PLD5: variants seen among roughly 807,000 people sequenced by gnomAD.
PLD5 encodes the protein phospholipase D family member 5.
PLD5 carries 36 observed loss-of-function variants against 61.1 expected under a neutral mutation model. That is an observed-to-expected ratio of 0.59 (90% CI 0.45 to 0.78). The LOEUF is 0.78. Ranked by LOEUF, PLD5 falls within the 30% of genes least tolerant of loss-of-function variation. The pLI is 0.00. For missense variants in PLD5, 515 were observed against 644.4 expected (o/e 0.80, Z 2.17); for synonymous variants, 243 against 242.8 (o/e 1.00, Z -0.01).
intron 1 of PLD5, among the ~76,000 whole-genome samples, chr1:242,373,899 A>G (rs1661796660): frequency 6.6e-6 from 1 of 152,106 alleles, no homozygotes. Context: ...GCACACCAAC[A>G]TGGCACATGT....
chr1:242,211,623 C>T (rs1443577176), intron 5 of PLD5, among the ~76,000 whole-genome samples: 1 of 152,162 alleles, frequency 6.6e-6, no homozygotes, highest in African/African-American at 2.4e-5. Context: ...TGTCTGAGTA[C>T]CTGTCTCATC....
At chr1:242,247,578 A>C (rs1247017337) in intron 4 of PLD5, among the ~76,000 whole-genome samples, 1 of 152,112 alleles carries the variant, frequency 6.6e-6, no homozygotes, top group African/African-American at 2.4e-5. Context: ...TCTCTATTTT[A>C]ACCTTAATGC....
chr1:242,248,577 C>T (rs1672523742), intron 4 of PLD5, among the ~76,000 whole-genome samples: 1 of 151,868 alleles, frequency 6.6e-6, no homozygotes, highest in Non-Finnish European at 1.5e-5. Flanking sequence ...AGTCTGTCAC[C>T]CTTTTTGCCT....
chr1:242,270,919 G>A (rs1674025667), intron 3 of PLD5, among the ~76,000 whole-genome samples: 1 of 152,080 alleles, frequency 6.6e-6, no homozygotes, highest in African/African-American at 2.4e-5. Flanking sequence ...CATTTAAAGA[G>A]AACCAATTAC....
chr1:242,437,460 G>C (rs539600424), intron 1 of PLD5, among the ~76,000 whole-genome samples: 20 of 152,262 alleles, frequency 1.3e-4, no homozygotes, highest in African/African-American at 4.8e-4. Context: ...ACTTTGGGAA[G>C]CCGAGATGGG....
intron 1 of PLD5, among the ~76,000 whole-genome samples, chr1:242,514,596 T>G (rs1669043138): frequency 6.6e-6 from 1 of 151,788 alleles, no homozygotes; most frequent in Non-Finnish European, 1.5e-5. Flanking sequence ...AAAATAAAAG[T>G]TGAAAAAAGT....
intron 6 of PLD5, among the ~76,000 whole-genome samples, chr1:242,123,206 A>C (rs1162171716): frequency 1.3e-5 from 2 of 152,194 alleles, no homozygotes. Flanking sequence ...TGATGAAAAC[A>C]ATGGTACCAT....
rs1262228105 is a variant in PLD5 at position 242,524,419 on chromosome 1, G to T, written c.-143C>A. Reference sequence around the variant, plus strand: ...GCTGGAGGAGCTGGAGGAGCGAGCGGGCGCGGGGAGCGCGGGGTGCTGAGC... The same window carrying T: ...GCTGGAGGAGCTGGAGGAGCGAGCGTGCGCGGGGAGCGCGGGGTGCTGAGC... On this transcript the variant is annotated 5_prime_UTR_variant, in exon 1 of 10. Coordinates refer to ENST00000536534, the MANE Select transcript of PLD5 (RefSeq NM_001372062.1). 2 of 805,920 alleles carry T rather than the reference G, an allele frequency of 2.5e-6. No homozygotes were observed. Among genetic ancestry groups the T allele is most frequent in the African/African-American group, 3.6e-5 (2 of 55,136 alleles). The allele number at this position is 805,920 out of a possible 1,614,324, so 49.9% of individuals were successfully genotyped here.
At chr1:242,340,941 G>T (rs1184443265) in intron 2 of PLD5, among the ~76,000 whole-genome samples, 1 of 151,904 alleles carries the variant, frequency 6.6e-6, no homozygotes, top group Non-Finnish European at 1.5e-5. Context: ...CGGTATCATT[G>T]TGTCTATCAA....
At chr1:242,092,311 A>G (rs1659897089) in intron 9 of PLD5, among the ~76,000 whole-genome samples, 1 of 151,970 alleles carries the variant, frequency 6.6e-6, no homozygotes, top group Non-Finnish European at 1.5e-5. Context: ...ATTTATATAC[A>G]TTATTTATAT....
At chr1:242,433,733 C>A (rs1258953549) in intron 1 of PLD5, among the ~76,000 whole-genome samples, 1 of 152,054 alleles carries the variant, frequency 6.6e-6, no homozygotes, top group African/African-American at 2.4e-5. Context: ...AAACTTAAAG[C>A]AGGGTATGGG....
intron 1 of PLD5, among the ~76,000 whole-genome samples, chr1:242,435,504 T>C (rs1311937580): frequency 1.3e-5 from 2 of 152,222 alleles, no homozygotes; most frequent in East Asian, 3.8e-4. Flanking sequence ...ATGTGCCTTA[T>C]GGAGAAAACA....
At chr1:242,526,345 T>A (rs1191900785), upstream of PLD5, among the ~76,000 whole-genome samples, 2 of 152,184 alleles carry the variant, frequency 1.3e-5, no homozygotes, top group African/African-American at 4.8e-5. Context: ...GATATCGCAC[T>A]GCACCCTGGG....
chr1:242,241,560 CA>C (rs11326634), intron 4 of PLD5, among the ~76,000 whole-genome samples: 36,423 of 151,750 alleles, frequency 0.24, 4,668 homozygotes, highest in African/African-American at 0.33. Context: ...TGAAAAATGA[CA>C]AATAAGGTGG....
At chr1:242,239,406 T>C (rs1671849300) in intron 4 of PLD5, among the ~76,000 whole-genome samples, 1 of 152,216 alleles carries the variant, frequency 6.6e-6, no homozygotes, top group Non-Finnish European at 1.5e-5. Context: ...CATAATTCAA[T>C]TGTTTTAAAG....
chr1:242,136,446 A>T (rs1663738714), intron 5 of PLD5, among the ~76,000 whole-genome samples: 1 of 152,122 alleles, frequency 6.6e-6, no homozygotes, highest in Non-Finnish European at 1.5e-5. Flanking sequence ...CCCTCCCCAT[A>T]GTGCTTTGAA....
chr1:242,139,251 A>C (rs1053571052), intron 5 of PLD5, among the ~76,000 whole-genome samples: 14 of 152,184 alleles, frequency 9.2e-5, no homozygotes, highest in African/African-American at 3.4e-4. Flanking sequence ...GTTTTCAGTT[A>C]GGTTTTTTTT....
intron 1 of PLD5, among the ~76,000 whole-genome samples, chr1:242,393,630 ATATATATGTGTATATATATGAG>A (rs1553366011): frequency 0.02 from 1,974 of 100,094 alleles, 86 homozygotes; most frequent in Middle Eastern, 0.041. Flanking sequence ...ATATATGAGT[ATATATATGTGTATATATATGAG>A]TATATATGTG....
At chr1:242,206,165 C>T (rs1669300922) in intron 5 of PLD5, among the ~76,000 whole-genome samples, 1 of 152,230 alleles carries the variant, frequency 6.6e-6, no homozygotes, top group South Asian at 2.1e-4. Context: ...TTTGCTGTTT[C>T]TCCAGCTGTC....
Sources: gnomAD v4.1 joint callset for allele counts (sites outside exome capture counted in the v4.1 genomes callset) on GRCh38, gnomAD v4.1.1 for gene constraint, MANE v1.5 for transcripts, NCBI Gene and HGNC (gene_info 2026-07-23, HGNC 2026-07-21) for gene names.